The following MRPS33 variants were observed in gnomAD, a reference collection of about 807,000 sequenced individuals.
The protein encoded by MRPS33 is mitochondrial ribosomal protein S33, also known as small ribosomal subunit protein mS33.
In MRPS33, 11 loss-of-function variants were observed where a neutral mutation model predicts 11.2. That is an observed-to-expected ratio of 0.99 (90% CI 0.62 to 1.63). MRPS33 has a LOEUF of 1.63. Among genes scored for constraint, MRPS33 ranks in the 40% most tolerant of loss-of-function variants. The pLI is 0.00. For missense variants in MRPS33, 109 were observed against 127.8 expected (o/e 0.85, Z 0.71); for synonymous variants, 46 against 44.0 (o/e 1.05, Z -0.18).
In MRPS33 at chr7:141,010,409, T is replaced by C. The variant is rs775805326; in HGVS notation, c.215+10A>G. 3 of 1,613,304 alleles carry C rather than the reference T, an allele frequency of 1.9e-6. No individual in the cohort carries two copies. In the East Asian group the frequency reaches 6.7e-5, roughly 36 times the overall value. ...GTCTCTCATAGGTCCCTCTTTGTGT[T>C]TGTCATCACCTGTAGAGTCCAAGAA... On this transcript the variant is annotated intron_variant, in intron 2 of 2. Coordinates refer to ENST00000324787, the MANE Select transcript of MRPS33 (RefSeq NM_053035.3).
chr7:141,006,311 G>C lies in MRPS33; in HGVS notation c.*119C>G. The C allele has an allele frequency of 1.2e-6, 1 of 846,056 alleles. No homozygotes were observed. The highest frequency in any genetic ancestry group is 1.6e-5 in the South Asian group (1 of 61,234). The allele number at this position is 846,056 out of a possible 1,614,324, so 52.4% of individuals were successfully genotyped here. The stretch of plus-strand genomic sequence containing the variant: ...TAGATTTCACCAAGGAGATGACTGT[G>C]TTCCTCCAAATAAACTTCATTTAGG... On this transcript the variant is annotated 3_prime_UTR_variant, in exon 3 of 3. Coordinates refer to ENST00000324787, the MANE Select transcript of MRPS33 (RefSeq NM_053035.3).
In MRPS33 at chr7:141,006,496, T is replaced by G. The variant is rs144024191; in HGVS notation, c.255A>C (p.Leu85=). 2.6e-4 allele frequency: 423 copies of G among 1,614,066 alleles called. 3 individuals carry two copies. The African/African-American group carries it at 5.3e-3, about 20-fold the overall frequency. Residue 85 remains leucine (L), a synonymous_variant, in exon 3 of 3, where the codon CTA becomes CTC. Transcript: ENST00000324787. ...HQDFMDEQKR[L]KKLRGKEKPK... is the part of the protein sequence containing the mutation. ...GTTTCTCCTTTCCACGAAGCTTCTT[T>G]AGTCGTTTTTGCTCATCCATAAAAT...
chr7:141,008,786 G>A (rs1216436781), intron 2 of MRPS33, among the ~76,000 whole-genome samples: 3 of 145,726 alleles, frequency 2.1e-5, no homozygotes, highest in Non-Finnish European at 4.5e-5. Context: ...TATTAGTTTG[G>A]TAATTAAAAA....
intron 2 of MRPS33, 46 bp downstream of exon 2, chr7:141,010,373 A>G (rs1820645293): frequency 3.8e-6 from 6 of 1,580,180 alleles, no homozygotes; most frequent in Admixed American, 1.8e-5. Context: ...TTTCTGATCT[A>G]CTGAAAAAAA....
In MRPS33 at chr7:141,003,511, G is replaced by A. The variant is rs1022096058; in HGVS notation, c.*2919C>T. ...CAGTGGCACACTAATCTACTTCTGCGTTATCTACAAACTTCCCTGTCAATC... is the reference window on the plus strand; with the variant it reads ...CAGTGGCACACTAATCTACTTCTGCATTATCTACAAACTTCCCTGTCAATC... On this transcript the variant is annotated 3_prime_UTR_variant, in exon 3 of 3. Coordinates refer to ENST00000324787, the MANE Select transcript of MRPS33 (RefSeq NM_053035.3). The A allele has an allele frequency of 2.0e-5, 3 of 152,208 alleles. No homozygotes were observed. The highest frequency in any genetic ancestry group is 4.4e-5 in the Non-Finnish European group (3 of 68,036). 9.4% of individuals were successfully genotyped at this position (152,208 alleles called of 1,614,324 possible).
chr7:141,008,552 T>TA, intron 2 of MRPS33, among the ~76,000 whole-genome samples: 1 of 152,170 alleles, frequency 6.6e-6, no homozygotes, highest in East Asian at 1.9e-4. Context: ...GGAAGGTACG[T>TA]AAGAAATATC....
At chr7:141,007,600 G>A (rs551360199) in intron 2 of MRPS33, among the ~76,000 whole-genome samples, 52 of 152,172 alleles carry the variant, frequency 3.4e-4, no homozygotes, top group African/African-American at 9.2e-4. Context: ...CTTGCAATCC[G>A]TCTCCAGTCC....
In MRPS33 at chr7:141,003,004, T is replaced by C. The variant is rs985552399; in HGVS notation, c.*3426A>G. The C allele has an allele frequency of 1.3e-5, 2 of 152,282 alleles. No homozygotes were observed. Among genetic ancestry groups the C allele is most frequent in the African/African-American group, 4.8e-5 (2 of 41,458 alleles). The allele number at this position is 152,282 out of a possible 1,614,324, so 9.4% of individuals were successfully genotyped here. A position where few individuals can be genotyped will look rare whatever the true frequency, so the allele number is the denominator to read the frequency against. ...TTATTTCATTAATCCAGTGAAGCAT[T>C]ATGATTTTATAGAGAAGGAAAGAGG... On this transcript the variant is annotated 3_prime_UTR_variant, in exon 3 of 3. Coordinates refer to ENST00000324787, the MANE Select transcript of MRPS33 (RefSeq NM_053035.3).
Position 141,004,651 on chromosome 7 carries a change from T to A in MRPS33, c.*1779A>T, listed in dbSNP as rs1292975386. On this transcript the variant is annotated 3_prime_UTR_variant, in exon 3 of 3. Transcript: ENST00000324787. ...ATTGTACACTTAAATATGGTTAAGA[T>A]CATTAATTTTATGTTTTTACTACAA... The A allele has an allele frequency of 6.6e-6, 1 of 152,216 alleles. No individual in the cohort carries two copies. Among genetic ancestry groups the A allele is most frequent in the African/African-American group, 2.4e-5 (1 of 41,450 alleles). 9.4% of individuals were successfully genotyped at this position (152,216 alleles called of 1,614,324 possible).
rs1205937178 is a variant in MRPS33, at chr7:141,003,988, A to G, written c.*2442T>C. ...TCTACAACTATCACGTGTCGAGCAC[A>G]TGGCAGGTGCTCAGTAAAAAGTTCT... is the stretch of plus-strand genomic sequence containing the variant. On this transcript the variant is annotated 3_prime_UTR_variant, in exon 3 of 3. Coordinates refer to ENST00000324787, the MANE Select transcript of MRPS33 (RefSeq NM_053035.3). 1 of 152,276 alleles carries G rather than the reference A, an allele frequency of 6.6e-6. No homozygotes were observed. Among genetic ancestry groups the G allele is most frequent in the Non-Finnish European group, 1.5e-5 (1 of 68,070 alleles). 9.4% of individuals were successfully genotyped at this position (152,276 alleles called of 1,614,324 possible).
At chr7:141,014,099 C>T (rs979997282) in intron 1 of MRPS33, among the ~76,000 whole-genome samples, 35 of 152,194 alleles carry the variant, frequency 2.3e-4, no homozygotes, top group Non-Finnish European at 3.4e-4. Context: ...GTTGGAATCT[C>T]GCCTCTGCCT....
chr7:141,008,902 C>A (rs1367800312), intron 2 of MRPS33, among the ~76,000 whole-genome samples: 1 of 150,836 alleles, frequency 6.6e-6, no homozygotes, highest in African/African-American at 2.4e-5. Flanking sequence ...TCAAGCGATT[C>A]TCCTGCCTCA....
intron 1 of MRPS33, among the ~76,000 whole-genome samples, chr7:141,012,865 T>C (rs1296438271): frequency 6.6e-6 from 1 of 152,206 alleles, no homozygotes; most frequent in Non-Finnish European, 1.5e-5. Context: ...CTTGGGTTAT[T>C]GTGAACAGTT....
At chr7:141,007,599 C>A (rs190304141) in intron 2 of MRPS33, among the ~76,000 whole-genome samples, 1 of 152,164 alleles carries the variant, frequency 6.6e-6, no homozygotes, top group Non-Finnish European at 1.5e-5. Context: ...CCTTGCAATC[C>A]GTCTCCAGTC....
intron 1 of MRPS33, 140 bp from the exon 2 acceptor site, chr7:141,010,800 A>C (rs976659138): frequency 1.1e-5 from 7 of 655,212 alleles, no homozygotes; most frequent in Middle Eastern, 4.1e-4. Context: ...GGAGTGGAGA[A>C]GTATCCACAG....
At chr7:141,009,052 C>T (rs1391544819) in intron 2 of MRPS33, among the ~76,000 whole-genome samples, 1 of 151,300 alleles carries the variant, frequency 6.6e-6, no homozygotes, top group Non-Finnish European at 1.5e-5. Flanking sequence ...GCCTTGGCCT[C>T]TCAAAGCGCT....
intron 1 of MRPS33, among the ~76,000 whole-genome samples, chr7:141,011,162 C>T (rs1196183336): frequency 6.6e-6 from 1 of 152,220 alleles, no homozygotes; most frequent in Non-Finnish European, 1.5e-5. Context: ...CTCCAGAAGG[C>T]TCTGAGAGCT....
rs1351468316 is a variant in MRPS33 at position 141,006,463 on chromosome 7, T to C, written c.288A>G (p.Lys96=). 9.3e-6 allele frequency: 15 copies of C among 1,613,906 alleles called. No homozygotes were observed. Among genetic ancestry groups the C allele is most frequent in the Non-Finnish European group, 1.2e-5 (14 of 1,180,024 alleles). ...KKLRGKEKPK[K]GEGKRAAKRK ...TTTTTGCTGCTCTTTTCCCTTCTCC[T>C]TTCTTTGGTTTCTCCTTTCCACGAA... is the stretch of plus-strand genomic sequence containing the variant. The change falls in exon 3 of 3, where the codon AAA becomes AAG. Residue 96 remains lysine, a synonymous_variant. Coordinates refer to ENST00000324787, the MANE Select transcript of MRPS33 (RefSeq NM_053035.3).
In MRPS33 at chr7:141,010,624, G is replaced by T; in HGVS notation, c.10C>A (p.Leu4Ile). The change falls in exon 2 of 3, where the codon CTT (leucine) becomes ATT (isoleucine). Residue 4 changes from leucine (L) to isoleucine (I), a missense_variant. Coordinates refer to ENST00000324787, the MANE Select transcript of MRPS33 (RefSeq NM_053035.3). MSS[L>I]SEYAFRMSRL... ...GACATGCGGAAGGCATATTCTGAAAGGGAGGACATTTCTTGAGTGGCAAGG... is the reference window on the plus strand; with the variant it reads ...GACATGCGGAAGGCATATTCTGAAATGGAGGACATTTCTTGAGTGGCAAGG... 1 of 1,614,092 alleles carries T rather than the reference G, an allele frequency of 6.2e-7. No individual in the cohort carries two copies. The highest frequency in any genetic ancestry group is 1.1e-5 in the South Asian group (1 of 91,072).
Sources: allele counts gnomAD v4.1 joint callset (sites outside exome capture counted in the v4.1 genomes callset), GRCh38; gene constraint gnomAD v4.1.1; transcripts MANE v1.5; gene names NCBI Gene and HGNC (gene_info 2026-07-23, HGNC 2026-07-21).